Variants in AFF3 observed in about 807,000 individuals in gnomAD.
AFF3 encodes AF4/FMR2 family member 3.
AFF3 carries 32 observed loss-of-function variants against 129.7 expected under a neutral mutation model. The ratio of observed to expected loss-of-function variants is 0.25; its 90% CI spans 0.19 to 0.33. The LOEUF (loss-of-function observed/expected upper bound fraction) is 0.33. Among genes scored for constraint, AFF3 ranks in the 10% least tolerant of loss-of-function variants. AFF3 has a pLI of 1.00. For synonymous variants in AFF3, 644 were observed against 635.4 expected (o/e 1.01, Z -0.20); for missense variants, 1,373 against 1,592.0 (o/e 0.86, Z 2.34).
chr2:99,691,069 C>G (rs1238961208), intron 11 of AFF3, among the ~76,000 whole-genome samples: 1 of 152,108 alleles, frequency 6.6e-6, no homozygotes, highest in East Asian at 1.9e-4. Flanking sequence ...CTTAGGACAG[C>G]TGAAGCCAAG....
intron 8 of AFF3, among the ~76,000 whole-genome samples, chr2:99,779,441 G>C (rs1575958219): frequency 6.6e-6 from 1 of 152,200 alleles, no homozygotes; most frequent in Non-Finnish European, 1.5e-5. Context: ...ATAGCAGTGT[G>C]GTGTTTCACA....
At chr2:99,881,745 A>C (rs373741055) in intron 7 of AFF3, among the ~76,000 whole-genome samples, 1 of 152,260 alleles carries the variant, frequency 6.6e-6, no homozygotes, top group African/African-American at 2.4e-5. Context: ...GAAAATTTCA[A>C]ACAGCTTTAG....
intron 4 of AFF3, among the ~76,000 whole-genome samples, chr2:100,016,291 ATGG>A (rs755924042): frequency 3.8e-5 from 5 of 131,318 alleles, no homozygotes; most frequent in South Asian, 2.5e-4. Flanking sequence ...GGGGGTGATG[ATGG>A]TGGTGGCAGC....
intron 7 of AFF3, among the ~76,000 whole-genome samples, chr2:99,890,040 G>A (rs1693429363): frequency 6.6e-6 from 1 of 152,196 alleles, no homozygotes; most frequent in African/African-American, 2.4e-5. Flanking sequence ...CGTGTGCACA[G>A]GCGAGTTCTG....
chr2:99,874,073 A>T (rs1404792077), intron 7 of AFF3, among the ~76,000 whole-genome samples: 3 of 152,116 alleles, frequency 2.0e-5, no homozygotes, highest in African/African-American at 7.2e-5. Context: ...GCTACTCGGG[A>T]GGCTGAGGCA....
At position 100,051,638 on chromosome 2, in the gene AFF3, TAG is replaced by T. The variant is rs1686346322; in HGVS notation, c.54-42708_54-42707del. On this transcript the variant is annotated intron_variant, in intron 4 of 24. Coordinates refer to ENST00000672756, the MANE Select transcript of AFF3 (RefSeq NM_001386135.1). ...TCACATTTCTTATCTACTGTTAATA[TAG>T]AGTTTAAATTAAAACTCAGGGGGTC... Among the ~76,000 whole-genome samples, 3 of 152,198 alleles carry T rather than the reference TAG, an allele frequency of 2.0e-5. No homozygotes were observed. The South Asian group carries it at 6.2e-4, about 32-fold the overall frequency.
chr2:100,078,142 A>G (rs113612928), intron 4 of AFF3, among the ~76,000 whole-genome samples: 2,837 of 152,342 alleles, frequency 0.019, 41 homozygotes, highest in Non-Finnish European at 0.026. Flanking sequence ...ATTCATGCCA[A>G]GCTAGACTGG....
chr2:99,553,917 C>CAAAAAAAAAAAAAAAAAA (rs1674649199), intron 24 of AFF3, among the ~76,000 whole-genome samples: 4 of 72,446 alleles, frequency 5.5e-5, no homozygotes, highest in African/African-American at 1.4e-4. Flanking sequence ...CTGTCTCAAA[C>CAAAAAAAAAAAAAAAAAA]CAAAAAAAAA....
intron 4 of AFF3, among the ~76,000 whole-genome samples, chr2:100,018,505 T>A (rs1683319052): frequency 6.6e-6 from 1 of 152,172 alleles, no homozygotes; most frequent in African/African-American, 2.4e-5. Flanking sequence ...CTTGGTGCCA[T>A]GAGAACAAGT....
chr2:99,806,696 C>T (rs13009915), intron 8 of AFF3, among the ~76,000 whole-genome samples: 4,673 of 152,226 alleles, frequency 0.031, 100 homozygotes, highest in South Asian at 0.061. Context: ...CCTGTCTCCA[C>T]GCCCCCACCC....
chr2:100,041,548 C>T (rs1345084082), intron 4 of AFF3, among the ~76,000 whole-genome samples: 3 of 152,092 alleles, frequency 2.0e-5, no homozygotes, highest in African/African-American at 7.2e-5. Flanking sequence ...ATAAATTTCA[C>T]AGTTTCCTAG....
intron 4 of AFF3, among the ~76,000 whole-genome samples, chr2:100,054,926 C>A (rs1352009340): frequency 6.6e-6 from 1 of 152,128 alleles, no homozygotes; most frequent in Non-Finnish European, 1.5e-5. Context: ...ACATTCCCAC[C>A]CACAAAGAGT....
chr2:100,078,516 T>C (rs1285323136), intron 4 of AFF3, among the ~76,000 whole-genome samples: 4 of 152,210 alleles, frequency 2.6e-5, no homozygotes, highest in Non-Finnish European at 4.4e-5. Flanking sequence ...ACATACAATG[T>C]CTCAGAGGGC....
At chr2:100,075,885 C>T (rs1379387686) in intron 4 of AFF3, among the ~76,000 whole-genome samples, 1 of 152,074 alleles carries the variant, frequency 6.6e-6, no homozygotes, top group Non-Finnish European at 1.5e-5. Context: ...TGCTTTGGGG[C>T]CCGTAGGATG....
intron 20 of AFF3, 90 bp from the exon 21 acceptor site, chr2:99,560,526 G>C: frequency 1.7e-6 from 2 of 1,204,356 alleles, no homozygotes; most frequent in South Asian, 1.3e-5. Flanking sequence ...GAACTTCTAT[G>C]ATGGTAGTTC....
rs1278476919 is a variant in AFF3, at chr2:99,547,409, G to A, written c.*4065C>T. Reference sequence around the variant, plus strand: ...TGTACATGCATTAAGGCTGGTGACTGCTAAAGTCTCTTGGGAATCTACAAA... The same window carrying A: ...TGTACATGCATTAAGGCTGGTGACTACTAAAGTCTCTTGGGAATCTACAAA... On this transcript the variant is annotated 3_prime_UTR_variant, in exon 25 of 25. Coordinates refer to ENST00000672756, the MANE Select transcript of AFF3 (RefSeq NM_001386135.1). 9.2e-6 allele frequency: 2 copies of A among 217,146 alleles called. No homozygotes were observed. The highest frequency in any genetic ancestry group is 1.9e-5 in the Non-Finnish European group (2 of 107,862). The allele number at this position is 217,146 out of a possible 1,614,324, so 13.5% of individuals were successfully genotyped here.
chr2:99,564,449 G>C (rs1216972122), intron 20 of AFF3, among the ~76,000 whole-genome samples: 4 of 152,168 alleles, frequency 2.6e-5, no homozygotes, highest in Non-Finnish European at 5.9e-5. Context: ...TAAAAAGACA[G>C]TATAAAGGAT....
chr2:99,557,608 C>T lies in AFF3; in HGVS notation c.3285+1267G>A, dbSNP rs531645250. On this transcript the variant is annotated intron_variant, in intron 22 of 24. Coordinates refer to ENST00000672756, the MANE Select transcript of AFF3 (RefSeq NM_001386135.1). ...TAATTCTCTTTAGTAGTAGATCTTA[C>T]GTTCTGGATTTTTGAACACTATTGA... is the stretch of plus-strand genomic sequence containing the variant. 8.1e-4 allele frequency among the ~76,000 whole-genome samples: 123 copies of T among 152,282 alleles called. 1 individual carries two copies. Among genetic ancestry groups the T allele is most frequent in the African/African-American group, 2.8e-3 (118 of 41,548 alleles).
intron 4 of AFF3, among the ~76,000 whole-genome samples, chr2:100,053,103 A>G (rs1686482247): frequency 6.6e-6 from 1 of 152,234 alleles, no homozygotes; most frequent in South Asian, 2.1e-4. Context: ...AATCTAAAAC[A>G]ACAGGTAATC....
Sources: allele counts gnomAD v4.1 joint callset (sites outside exome capture counted in the v4.1 genomes callset), GRCh38; gene constraint gnomAD v4.1.1; transcripts MANE v1.5; gene names NCBI Gene and HGNC (gene_info 2026-07-23, HGNC 2026-07-21).